Variants in SLCO6A1 observed in about 807,000 individuals in gnomAD.
SLCO6A1 encodes solute carrier organic anion transporter family member 6A1.
In SLCO6A1, 65 loss-of-function variants were observed where a neutral mutation model predicts 72.7. The observed-to-expected ratio is 0.89, with a 90% CI of 0.73 to 1.10. The LOEUF is 1.10. Among genes scored for constraint, SLCO6A1 ranks in the 50% least tolerant of loss-of-function variants. The pLI, the probability that SLCO6A1 is intolerant of heterozygous loss-of-function variation, is 0.00. For missense variants in SLCO6A1, 874 were observed against 872.6 expected (o/e 1.00, Z -0.02); for synonymous variants, 314 against 298.2 (o/e 1.05, Z -0.55).
intron 7 of SLCO6A1, among the ~76,000 whole-genome samples, chr5:102,426,495 G>A (rs1355844051): frequency 3.3e-5 from 5 of 152,148 alleles, no homozygotes; most frequent in Non-Finnish European, 7.4e-5. Flanking sequence ...AGACATTTAT[G>A]TGGTCAACAA....
intron 8 of SLCO6A1, among the ~76,000 whole-genome samples, chr5:102,414,381 A>G (rs1436782069): frequency 1.3e-5 from 2 of 152,204 alleles, no homozygotes; most frequent in Non-Finnish European, 2.9e-5. Context: ...AGTCCTAGCC[A>G]GAGCAACCAG....
intron 1 of SLCO6A1, 73 bp downstream of exon 1, chr5:102,498,414 T>TACTCCCTCTCCCGCCTC: frequency 6.9e-7 from 1 of 1,441,166 alleles, no homozygotes; most frequent in South Asian, 1.3e-5. Flanking sequence ...TCCTCCGCCA[T>TACTCCCTCTCCCGCCTC]ACTCCCTCTC....
chr5:102,388,835 A>T lies in SLCO6A1; in HGVS notation c.1880-10T>A. The T allele has an allele frequency of 1.3e-6, 2 of 1,588,570 alleles. No individual in the cohort carries two copies. Among genetic ancestry groups the T allele is most frequent in the Non-Finnish European group, 1.7e-6 (2 of 1,172,840 alleles). On this transcript the variant is annotated splice_polypyrimidine_tract_variant and intron_variant, in intron 11 of 13. Transcript: ENST00000506729. Reference sequence around the variant, plus strand: ...GGTCCAGGAATAGTCCCTATGAAAAATGCAATGATTGTAAATTCTTTGTGA... The same window carrying T: ...GGTCCAGGAATAGTCCCTATGAAAATTGCAATGATTGTAAATTCTTTGTGA...
intron 6 of SLCO6A1, among the ~76,000 whole-genome samples, chr5:102,454,839 A>G (rs1476130152): frequency 3.3e-5 from 5 of 151,544 alleles, no homozygotes; most frequent in Non-Finnish European, 7.4e-5. Context: ...ATATTTTGAT[A>G]AAAATTAAAA....
At chr5:102,491,355 G>A (rs191757518) in intron 1 of SLCO6A1, among the ~76,000 whole-genome samples, 58 of 152,388 alleles carry the variant, frequency 3.8e-4, no homozygotes, top group African/African-American at 1.3e-3. Flanking sequence ...CGGGGCCGCA[G>A]GTGGAGCTGC....
Position 102,372,010 on chromosome 5 carries a change from G to A in SLCO6A1, c.*129C>T, listed in dbSNP as rs2112454242. Reference sequence around the variant, plus strand: ...CCATAAATATATTTTTGCTACTTATGTAAACATAATGTGTGATTTTCCTCT... The same window carrying A: ...CCATAAATATATTTTTGCTACTTATATAAACATAATGTGTGATTTTCCTCT... On this transcript the variant is annotated 3_prime_UTR_variant, in exon 14 of 14. Coordinates refer to ENST00000506729, the MANE Select transcript of SLCO6A1 (RefSeq NM_173488.5). 1 of 151,964 alleles carries A rather than the reference G, an allele frequency of 6.6e-6. No individual in the cohort carries two copies. Among genetic ancestry groups the A allele is most frequent in the African/African-American group, 2.4e-5 (1 of 41,510 alleles). The allele number at this position is 151,964 out of a possible 1,614,324, so 9.4% of individuals were successfully genotyped here.
chr5:102,453,778 C>T (rs538520892), intron 6 of SLCO6A1, among the ~76,000 whole-genome samples: 1 of 152,244 alleles, frequency 6.6e-6, no homozygotes, highest in East Asian at 1.9e-4. Context: ...TTGATGGCCA[C>T]CCAATAATTG....
intron 7 of SLCO6A1, among the ~76,000 whole-genome samples, chr5:102,429,152 A>G (rs4703229): frequency 0.64 from 97,103 of 151,870 alleles, 31,204 homozygotes; most frequent in African/African-American, 0.66. Context: ...TTTTCTTCTA[A>G]GTTTAAGCTC....
At position 102,372,065 on chromosome 5, in the gene SLCO6A1, G is replaced by A. The variant is rs1750652852; in HGVS notation, c.*74C>T. The stretch of plus-strand genomic sequence containing the variant: ...AAAGTTGGGCACAGAAACAAATCTT[G>A]GAGAATCTGTAAAAGAGAAACTCGT... On this transcript the variant is annotated 3_prime_UTR_variant, in exon 14 of 14. Transcript: ENST00000506729. The A allele has an allele frequency of 1.3e-5, 2 of 151,944 alleles. No homozygotes were observed. Among genetic ancestry groups the A allele is most frequent in the African/African-American group, 2.4e-5 (1 of 41,422 alleles). The allele number at this position is 151,944 out of a possible 1,614,324, so 9.4% of individuals were successfully genotyped here.
chr5:102,400,685 AT>A (rs1217420192), intron 9 of SLCO6A1, among the ~76,000 whole-genome samples: 1 of 152,146 alleles, frequency 6.6e-6, no homozygotes, highest in Admixed American at 6.6e-5. Context: ...ATTGAATTAG[AT>A]TTTACTAGTG....
At chr5:102,490,619 T>C (rs1359430684) in intron 1 of SLCO6A1, among the ~76,000 whole-genome samples, 1 of 152,164 alleles carries the variant, frequency 6.6e-6, no homozygotes, top group Non-Finnish European at 1.5e-5. Flanking sequence ...AGTTTGTTTG[T>C]TCTGATGTTC....
Position 102,461,095 on chromosome 5 carries a change from T to G in SLCO6A1, c.900-1318A>C, listed in dbSNP as rs182763784. ...CTAACTATATACATTATATTACATG[T>G]GATTATTACATATGTGTGTATAATT... On this transcript the variant is annotated intron_variant, in intron 4 of 13. Coordinates refer to ENST00000506729, the MANE Select transcript of SLCO6A1 (RefSeq NM_173488.5). 3.1e-3 allele frequency among the ~76,000 whole-genome samples: 467 copies of G among 151,620 alleles called. 3 individuals are homozygous for G. The highest frequency in any genetic ancestry group is 0.011 in the African/African-American group (453 of 41,394).
chr5:102,404,468 T>C (rs543039440), intron 9 of SLCO6A1, among the ~76,000 whole-genome samples: 4 of 152,216 alleles, frequency 2.6e-5, no homozygotes, highest in East Asian at 3.9e-4. Context: ...GCTGTGCCAC[T>C]GTACTCCAGC....
At chr5:102,435,528 AG>A in intron 7 of SLCO6A1, among the ~76,000 whole-genome samples, 1 of 152,320 alleles carries the variant, frequency 6.6e-6, no homozygotes, top group Non-Finnish European at 1.5e-5. Context: ...ATAAGGTAGC[AG>A]GGGTACTAAG....
intron 6 of SLCO6A1, among the ~76,000 whole-genome samples, chr5:102,453,077 A>G (rs1750510876): frequency 6.6e-6 from 1 of 152,154 alleles, no homozygotes; most frequent in Admixed American, 6.5e-5. Context: ...ATAAAAGGAA[A>G]CTTTGGTTAT....
chr5:102,389,573 G>C (rs1043700204), intron 11 of SLCO6A1, among the ~76,000 whole-genome samples: 7 of 151,128 alleles, frequency 4.6e-5, no homozygotes, highest in African/African-American at 1.7e-4. Flanking sequence ...AATGACTCTT[G>C]ATTCTTGCCA....
At chr5:102,377,881 C>T (rs1197163318) in intron 12 of SLCO6A1, among the ~76,000 whole-genome samples, 2 of 140,924 alleles carry the variant, frequency 1.4e-5, no homozygotes, top group African/African-American at 5.3e-5. Context: ...GCCATATTGC[C>T]CAGGCTGGTC....
intron 7 of SLCO6A1, among the ~76,000 whole-genome samples, chr5:102,426,385 T>C (rs904531128): frequency 6.6e-6 from 1 of 152,080 alleles, no homozygotes; most frequent in Non-Finnish European, 1.5e-5. Flanking sequence ...CAAAGGCTAA[T>C]ATCCAGAATC....
chr5:102,438,045 CAGA>C (rs1412513746), intron 7 of SLCO6A1, among the ~76,000 whole-genome samples: 4 of 151,972 alleles, frequency 2.6e-5, no homozygotes, highest in African/African-American at 9.7e-5. Flanking sequence ...TACAAATGTA[CAGA>C]AGGAGATATC....
Sources: gnomAD v4.1 joint callset for allele counts (sites outside exome capture counted in the v4.1 genomes callset) on GRCh38, gnomAD v4.1.1 for gene constraint, MANE v1.5 for transcripts, NCBI Gene and HGNC (gene_info 2026-07-23, HGNC 2026-07-21) for gene names.